Variants in PRICKLE2 observed in about 807,000 individuals in gnomAD.
PRICKLE2 encodes the protein prickle planar cell polarity protein 2, also known as prickle-like protein 2.
PRICKLE2 carries 21 observed loss-of-function variants against 81.4 expected under a neutral mutation model. The observed-to-expected ratio is 0.26, with a 90% CI of 0.18 to 0.37. The LOEUF (loss-of-function observed/expected upper bound fraction) is 0.37. Ranked by LOEUF, PRICKLE2 falls within the 10% of genes least tolerant of loss-of-function variation. The pLI is 1.00. For missense variants in PRICKLE2, 940 were observed against 1,109.0 expected, an observed-to-expected ratio of 0.85 and a Z score of 2.16; for synonymous variants, 456 against 421.5, an observed-to-expected ratio of 1.08 and a Z score of -1.00.
chr3:64,216,123 G>C (rs1004360942), intron 1 of PRICKLE2, among the ~76,000 whole-genome samples: 6 of 152,160 alleles, frequency 3.9e-5, no homozygotes, highest in African/African-American at 1.4e-4. Context: ...ATTTCTCTGG[G>C]CTATCTGCTC....
Position 64,147,530 on chromosome 3 carries a change from G to T in PRICKLE2, c.960C>A (p.Asp320Glu). 1.2e-6 allele frequency: 2 copies of T among 1,614,256 alleles called. No homozygotes were observed. Among genetic ancestry groups the T allele is most frequent in the Non-Finnish European group, 8.5e-7 (1 of 1,180,050 alleles). Residue 320 changes from aspartate (D) to glutamate (E), a missense_variant, in exon 7 of 8, where the codon GAC becomes GAA. Asp to Glu is a conservative substitution (Grantham distance 45, BLOSUM62 2). Around this residue, in one of 2 missense-constraint regions of PRICKLE2, gnomAD observed 670 missense variants for 717.2 expected, o/e 0.93. Coordinates refer to ENST00000638394, the MANE Select transcript of PRICKLE2 (RefSeq NM_198859.4). The surrounding 1 kb of genome is among the most constrained non-coding windows in gnomAD (Gnocchi z 5.0). ...CGTTCTGGAAGGCGGAATCAGAGGA[G>T]TCAGAACCATTGGGGTCTTCCCCAG... ...CSAGEDPNGS[D>E]SSDSAFQNAR...
chr3:64,189,034 C>T (rs546760486), intron 2 of PRICKLE2, among the ~76,000 whole-genome samples: 1 of 152,338 alleles, frequency 6.6e-6, no homozygotes, highest in East Asian at 1.9e-4. Flanking sequence ...ACTTGCTTTT[C>T]TATTCACAGC....
chr3:64,257,083 TCATAGTAATGC>T (rs1260776608), intron 2 of PRICKLE2, among the ~76,000 whole-genome samples: 4 of 152,170 alleles, frequency 2.6e-5, no homozygotes, highest in African/African-American at 9.7e-5. Flanking sequence ...ATTCAACACA[TCATAGTAATGC>T]TTCACCCATT....
upstream of PRICKLE2, among the ~76,000 whole-genome samples, chr3:64,225,653 G>C (rs537351036): frequency 3.9e-5 from 6 of 152,104 alleles, no homozygotes; most frequent in South Asian, 1.2e-3. Flanking sequence ...GCCCAGCTAC[G>C]TAACCTCCAA....
intron 7 of PRICKLE2, among the ~76,000 whole-genome samples, chr3:64,139,725 T>C (rs1291282078): frequency 1.3e-5 from 2 of 152,196 alleles, no homozygotes; most frequent in East Asian, 3.9e-4. Context: ...ATCTGGCCCT[T>C]GCTTTCCTTC....
At chr3:64,246,310 C>A (rs1232781935) in intron 2 of PRICKLE2, among the ~76,000 whole-genome samples, 4 of 152,100 alleles carry the variant, frequency 2.6e-5, no homozygotes, top group African/African-American at 9.7e-5. Context: ...CTATAATTAC[C>A]TTTAAAAAAC....
At chr3:64,131,654 A>G (rs2077198260) in intron 7 of PRICKLE2, among the ~76,000 whole-genome samples, 1 of 152,232 alleles carries the variant, frequency 6.6e-6, no homozygotes, top group Non-Finnish European at 1.5e-5. Flanking sequence ...TAACCAAGAG[A>G]GAAATCAGCC....
chr3:64,216,510 C>T (rs1175677829), intron 1 of PRICKLE2, among the ~76,000 whole-genome samples: 2 of 152,236 alleles, frequency 1.3e-5, no homozygotes, highest in African/African-American at 4.8e-5. Context: ...TTCTCACTCT[C>T]TGTAACATTC....
intron 7 of PRICKLE2, chr3:64,141,835 A>G: frequency 1.0e-6 from 1 of 985,308 alleles, no homozygotes; most frequent in Non-Finnish European, 1.2e-6. Flanking sequence ...TCAATAACAT[A>G]AGTTACTGAC....
At chr3:64,157,032 CA>C in intron 5 of PRICKLE2, 129 bp downstream of exon 5, 1 of 867,466 alleles carries the variant, frequency 1.2e-6, no homozygotes. Context: ...GCTTCTCTCC[CA>C]AAAGGGTTAA....
At position 64,160,000 on chromosome 3, in the gene PRICKLE2, G is replaced by A; in HGVS notation, c.336C>T (p.Asn112=). The stretch of plus-strand genomic sequence containing the variant: ...AAGGCCTGACATTCCCGCGGCCCAA[G>A]TTTTCGCGTTTCCTCTGGCTGCTGA... The part of the protein sequence containing the change: ...KLFSSQRKRE[N]LGRGNVRPFP... Residue 112 remains asparagine (N), a synonymous_variant, in exon 4 of 8, where the codon AAC becomes AAT. Coordinates refer to ENST00000638394, the MANE Select transcript of PRICKLE2 (RefSeq NM_198859.4). The A allele has an allele frequency of 6.2e-7, 1 of 1,614,128 alleles. No individual in the cohort carries two copies. Among genetic ancestry groups the A allele is most frequent in the Non-Finnish European group, 8.5e-7 (1 of 1,180,014 alleles).
chr3:64,213,785 T>C (rs534737239), intron 1 of PRICKLE2, among the ~76,000 whole-genome samples: 1 of 152,274 alleles, frequency 6.6e-6, no homozygotes, highest in East Asian at 1.9e-4. Flanking sequence ...AACCACACTA[T>C]GAGAAGAAAA....
intron 3 of PRICKLE2, 39 bp downstream of exon 3, chr3:64,162,977 A>G (rs778067777): frequency 5.8e-6 from 7 of 1,200,180 alleles, no homozygotes; most frequent in East Asian, 2.3e-5. Context: ...CATAGAAGGC[A>G]CTAAGAAAAT....
At chr3:64,114,344 C>T (rs1264010564) in intron 7 of PRICKLE2, among the ~76,000 whole-genome samples, 2 of 152,148 alleles carry the variant, frequency 1.3e-5, no homozygotes, top group Non-Finnish European at 2.9e-5. Flanking sequence ...CATCACCTTT[C>T]CAGCAAGGAA....
At chr3:64,225,979 A>G (rs1255545408), upstream of PRICKLE2, among the ~76,000 whole-genome samples, 1 of 150,614 alleles carries the variant, frequency 6.6e-6, no homozygotes, top group Non-Finnish European at 1.5e-5. Context: ...GTTTTTGTGC[A>G]CCTCGAAATA....
intron 1 of PRICKLE2, 77 bp from the exon 2 acceptor site, chr3:64,199,044 C>A: frequency 7.5e-7 from 1 of 1,340,746 alleles, no homozygotes; most frequent in Non-Finnish European, 1.0e-6. Flanking sequence ...AGTCACTAGC[C>A]CCTGGATCCC....
rs772691573 is a variant in PRICKLE2 at position 64,146,955 on chromosome 3, C to G, written c.1535G>C (p.Gly512Ala). 6.2e-7 allele frequency: 1 copy of G among 1,614,120 alleles called. No individual in the cohort carries two copies. Among genetic ancestry groups the G allele is most frequent in the Admixed American group, 1.7e-5 (1 of 60,016 alleles). Residue 512 changes from glycine to alanine, a missense_variant, in exon 7 of 8, where the codon GGC becomes GCC. By Grantham distance (60) the Gly-to-Ala change is moderately conservative. Coordinates refer to ENST00000638394, the MANE Select transcript of PRICKLE2 (RefSeq NM_198859.4). ...GGTCCGACACTGCTGAGTGGACAAG[C>G]CCCCTTCCTCTTCCTCTTCCTCCTC... ...KYEEEEEEEG[G>A]LSTQQCRTRH...
chr3:64,141,443 TA>T (rs1458879284), intron 7 of PRICKLE2, among the ~76,000 whole-genome samples: 1 of 152,244 alleles, frequency 6.6e-6, no homozygotes, highest in Non-Finnish European at 1.5e-5. Context: ...CCAGTCCATA[TA>T]AACACTCAAT....
intron 3 of PRICKLE2, among the ~76,000 whole-genome samples, chr3:64,161,410 G>T (rs11707013): frequency 0.33 from 50,034 of 151,938 alleles, 8,414 homozygotes; most frequent in Non-Finnish European, 0.37. Flanking sequence ...GGGAAACCTT[G>T]GAACTAGGAC....
Sources: allele counts gnomAD v4.1 joint callset (sites outside exome capture counted in the v4.1 genomes callset), GRCh38; gene constraint gnomAD v4.1.1; regional missense constraint gnomAD v4.1.1; non-coding constraint Gnocchi (gnomAD v3.1); transcripts MANE v1.5; gene names NCBI Gene and HGNC (gene_info 2026-07-23, HGNC 2026-07-21).